The following CYP7B1 variants were observed in gnomAD, a reference collection of about 807,000 sequenced individuals.
CYP7B1 encodes the protein cytochrome P450 7B1.
Under a neutral mutation model 42.7 loss-of-function variants are expected in CYP7B1, and 29 were observed. The ratio of observed to expected loss-of-function variants is 0.68; its 90% CI spans 0.51 to 0.93. The LOEUF is 0.93. Among genes scored for constraint, CYP7B1 ranks in the 40% least tolerant of loss-of-function variants. The probability of loss-of-function intolerance (pLI) is 0.00; values close to 1 mark genes in which losing one functional copy is unlikely to be tolerated. For synonymous variants in CYP7B1, 235 were observed against 218.2 expected, an observed-to-expected ratio of 1.08 and a Z score of -0.68; for missense variants, 655 against 600.5, an observed-to-expected ratio of 1.09 and a Z score of -0.95.
chr8:64,679,499 C>T (rs1806504406), intron 1 of CYP7B1, among the ~76,000 whole-genome samples: 1 of 152,078 alleles, frequency 6.6e-6, no homozygotes, highest in African/African-American at 2.4e-5. Context: ...GTCAGTAAAT[C>T]CTATCAGAGA....
chr8:64,706,934 G>T (rs1166905058), intron 1 of CYP7B1, among the ~76,000 whole-genome samples: 1 of 151,972 alleles, frequency 6.6e-6, no homozygotes, highest in Non-Finnish European at 1.5e-5. Flanking sequence ...AGGGAAACAG[G>T]ATTGCCAAGC....
intron 1 of CYP7B1, among the ~76,000 whole-genome samples, chr8:64,783,502 C>T (rs764551060): frequency 6.0e-5 from 9 of 150,278 alleles, no homozygotes; most frequent in South Asian, 4.2e-4. Context: ...ATATGTATGT[C>T]GGGTGAGAGG....
intron 1 of CYP7B1, among the ~76,000 whole-genome samples, chr8:64,691,288 C>A (rs1401077904): frequency 6.6e-6 from 1 of 152,154 alleles, no homozygotes; most frequent in Non-Finnish European, 1.5e-5. Context: ...TTAGTGATCA[C>A]TTATCAGCTC....
chr8:64,724,123 T>C (rs1807286491), intron 1 of CYP7B1, among the ~76,000 whole-genome samples: 1 of 151,886 alleles, frequency 6.6e-6, no homozygotes, highest in Non-Finnish European at 1.5e-5. Context: ...GAGGGTTGGC[T>C]AGTAACCAAA....
At chr8:64,705,178 C>T (rs944467261) in intron 1 of CYP7B1, among the ~76,000 whole-genome samples, 1 of 151,220 alleles carries the variant, frequency 6.6e-6, no homozygotes, top group African/African-American at 2.4e-5. Context: ...TATGTTAGGG[C>T]GGTAAAAAGC....
At chr8:64,601,642 T>C (rs905198088) in intron 5 of CYP7B1, among the ~76,000 whole-genome samples, 7 of 152,248 alleles carry the variant, frequency 4.6e-5, no homozygotes, top group African/African-American at 1.4e-4. Flanking sequence ...TGGTAGCTTA[T>C]AGGCTCAATT....
At chr8:64,723,342 CAA>C (rs1229138040) in intron 1 of CYP7B1, among the ~76,000 whole-genome samples, 3 of 152,188 alleles carry the variant, frequency 2.0e-5, no homozygotes, top group Non-Finnish European at 4.4e-5. Context: ...GACACAACAT[CAA>C]GTTTCTATCA....
At chr8:64,791,482 C>G (rs547838746) in intron 1 of CYP7B1, among the ~76,000 whole-genome samples, 1 of 152,180 alleles carries the variant, frequency 6.6e-6, no homozygotes, top group Admixed American at 6.5e-5. Context: ...GTGGAAATGT[C>G]AGCGTAGGAG....
At chr8:64,777,659 C>T (rs1348842456) in intron 1 of CYP7B1, among the ~76,000 whole-genome samples, 1 of 152,012 alleles carries the variant, frequency 6.6e-6, no homozygotes, top group African/African-American at 2.4e-5. Context: ...CTAGTTAAAA[C>T]GTGTTACCCA....
chr8:64,654,279 C>G (rs1393872472), intron 1 of CYP7B1, among the ~76,000 whole-genome samples: 1 of 152,194 alleles, frequency 6.6e-6, no homozygotes, highest in East Asian at 1.9e-4. Context: ...ACCTTATAGT[C>G]TCAGCCCAAA....
At chr8:64,782,680 C>T (rs545597328) in intron 1 of CYP7B1, among the ~76,000 whole-genome samples, 2 of 152,232 alleles carry the variant, frequency 1.3e-5, no homozygotes, top group African/African-American at 4.8e-5. Flanking sequence ...TATGACAAAA[C>T]AGATGAAGTG....
At chr8:64,587,695 A>G (rs186995116), downstream of CYP7B1, 3 of 152,214 alleles carry the variant, frequency 2.0e-5, no homozygotes, top group Admixed American at 6.5e-5. Context: ...TTTCTTAACT[A>G]TTGCAAAATT....
At chr8:64,612,065 A>C (rs1337731048) in intron 4 of CYP7B1, among the ~76,000 whole-genome samples, 1 of 152,120 alleles carries the variant, frequency 6.6e-6, no homozygotes, top group African/African-American at 2.4e-5. Flanking sequence ...ATCTATCAAA[A>C]TTCCAATTTT....
chr8:64,731,008 T>C (rs867110423), intron 1 of CYP7B1, among the ~76,000 whole-genome samples: 10 of 152,306 alleles, frequency 6.6e-5, no homozygotes, highest in Non-Finnish European at 1.0e-4. Context: ...TGCTGCCCTG[T>C]GAAGAACGAT....
chr8:64,701,745 C>G (rs1402946783), intron 1 of CYP7B1, among the ~76,000 whole-genome samples: 1 of 151,962 alleles, frequency 6.6e-6, no homozygotes, highest in Non-Finnish European at 1.5e-5. Flanking sequence ...TACCATAAAT[C>G]CTTTTTAACT....
chr8:64,650,531 C>A (rs1459044452), intron 1 of CYP7B1, among the ~76,000 whole-genome samples: 1 of 152,024 alleles, frequency 6.6e-6, no homozygotes, highest in African/African-American at 2.4e-5. Flanking sequence ...ACCTGTAGTC[C>A]CAGCTACTTA....
chr8:64,602,330 G>A (rs183143628), intron 5 of CYP7B1, among the ~76,000 whole-genome samples: 1 of 152,308 alleles, frequency 6.6e-6, no homozygotes, highest in Non-Finnish European at 1.5e-5. Context: ...GAGTAGTTTG[G>A]TGCCTGCTGG....
At chr8:64,758,645 G>A (rs1395643883) in intron 1 of CYP7B1, among the ~76,000 whole-genome samples, 1 of 152,036 alleles carries the variant, frequency 6.6e-6, no homozygotes, top group African/African-American at 2.4e-5. Context: ...ATTTTAAAAT[G>A]CAAGGAGCAG....
At position 64,798,562 on chromosome 8, in the gene CYP7B1, G is replaced by A. The variant is rs779597828; in HGVS notation, c.26C>T (p.Thr9Met). Residue 9 changes from threonine (T) to methionine (M), a missense_variant, in exon 1 of 6, where the codon ACG (threonine) becomes ATG (methionine). By Grantham distance (81) the Thr-to-Met change is moderately conservative. Coordinates refer to ENST00000310193, the MANE Select transcript of CYP7B1 (RefSeq NM_004820.5). MAGEVSAATGRFSLERLGL... is the reference protein window; with the variant it reads MAGEVSAAMGRFSLERLGL... ...CAACCGCTCCAGCGAAAAGCGGCCC[G>A]TGGCCGCGGACACTTCTCCTGCCAT... The A allele has an allele frequency of 2.0e-6, 3 of 1,491,004 alleles. No individual in the cohort carries two copies. The highest frequency in any genetic ancestry group is 2.2e-5 in the Admixed American group (1 of 44,456). The allele number at this position is 1,491,004 out of a possible 1,614,324, so 92.4% of individuals were successfully genotyped here.
Sources: allele counts gnomAD v4.1 joint callset (sites outside exome capture counted in the v4.1 genomes callset), GRCh38; gene constraint gnomAD v4.1.1; transcripts MANE v1.5; gene names NCBI Gene and HGNC (gene_info 2026-07-23, HGNC 2026-07-21).